Variants in CNOT6 observed in about 807,000 individuals in gnomAD.
The protein encoded by CNOT6 is CCR4-NOT transcription complex subunit 6.
A neutral mutation model predicts 61.2 loss-of-function variants in CNOT6; 12 were observed. The ratio of observed to expected loss-of-function variants is 0.20; its 90% CI spans 0.13 to 0.32. The LOEUF is 0.32. CNOT6 is among the 10% of genes least tolerant of loss of function. CNOT6 has a pLI of 1.00. For synonymous variants in CNOT6, 225 were observed against 240.6 expected (o/e 0.94, Z 0.60); for missense variants, 405 against 663.9 (o/e 0.61, Z 4.28).
intron 1 of CNOT6, among the ~76,000 whole-genome samples, chr5:180,498,604 G>C (rs1430992089): frequency 6.6e-6 from 1 of 152,154 alleles, no homozygotes; most frequent in East Asian, 1.9e-4. Flanking sequence ...AGGTGTGTCT[G>C]GTCTAGATTT....
intron 2 of CNOT6, among the ~76,000 whole-genome samples, chr5:180,536,703 T>C (rs1171021715): frequency 2.0e-5 from 3 of 152,118 alleles, no homozygotes; most frequent in Admixed American, 6.6e-5. Flanking sequence ...CTCGACCTCG[T>C]GGGTTCAAGC....
rs1760916646 is a variant in CNOT6, at chr5:180,574,332, A to G, written c.*132A>G. On this transcript the variant is annotated 3_prime_UTR_variant, in exon 12 of 12. Transcript: ENST00000261951. ...TTTGGACTTTCAATCTGATTATTTGATAAGGATATAGTATGAAAGCCAGGT... is the reference window on the plus strand; with the variant it reads ...TTTGGACTTTCAATCTGATTATTTGGTAAGGATATAGTATGAAAGCCAGGT... 5 of 753,948 alleles carry G rather than the reference A, an allele frequency of 6.6e-6. No homozygotes were observed. The highest frequency in any genetic ancestry group is 6.7e-6 in the Non-Finnish European group (3 of 448,686). The allele number at this position is 753,948 out of a possible 1,614,324, so 46.7% of individuals were successfully genotyped here. A position where few individuals can be genotyped will look rare whatever the true frequency, so the allele number is the denominator to read the frequency against.
Position 180,517,939 on chromosome 5 carries a change from C to T in CNOT6, c.-2-11336C>T, listed in dbSNP as rs111968499. Among the ~76,000 whole-genome samples, 941 of 152,304 alleles carry T rather than the reference C, an allele frequency of 6.2e-3. 10 individuals carry two copies. The highest frequency in any genetic ancestry group is 0.022 in the African/African-American group (906 of 41,556). ...AATCTTTCTTTTTAGTTACGTGTCT[C>T]CATATTGTAATAGCTGCTTCAGATA... On this transcript the variant is annotated intron_variant, in intron 1 of 11. Transcript: ENST00000261951.
chr5:180,543,895 C>T (rs1457085890), intron 2 of CNOT6, among the ~76,000 whole-genome samples: 1 of 152,048 alleles, frequency 6.6e-6, no homozygotes, highest in Admixed American at 6.6e-5. Flanking sequence ...ACTGCAAGCT[C>T]CACCTCCCAG....
chr5:180,536,144 C>T (rs866539475), intron 2 of CNOT6, among the ~76,000 whole-genome samples: 31 of 145,406 alleles, frequency 2.1e-4, no homozygotes, highest in Non-Finnish European at 2.4e-4. Flanking sequence ...TACAGGCACC[C>T]GCCACCACAC....
intron 1 of CNOT6, among the ~76,000 whole-genome samples, chr5:180,514,023 T>TA (rs1011523428): frequency 6.6e-6 from 1 of 151,918 alleles, no homozygotes; most frequent in African/African-American, 2.4e-5. Context: ...TTTGTAGAGA[T>TA]AGGGGTTTCC....
At chr5:180,527,615 A>C (rs10059433) in intron 1 of CNOT6, among the ~76,000 whole-genome samples, 5,701 of 152,236 alleles carry the variant, frequency 0.037, 231 homozygotes, top group African/African-American at 0.1. Flanking sequence ...ATTCAGGTTC[A>C]GTTTTTAACT....
intron 1 of CNOT6, among the ~76,000 whole-genome samples, chr5:180,509,243 C>T (rs552748031): frequency 2.6e-5 from 4 of 152,228 alleles, no homozygotes; most frequent in East Asian, 1.9e-4. Context: ...GCCGTCCTCC[C>T]GCCTCAGGCT....
chr5:180,550,324 A>G (rs1052143788), intron 3 of CNOT6, among the ~76,000 whole-genome samples: 2 of 151,908 alleles, frequency 1.3e-5, no homozygotes, highest in Non-Finnish European at 2.9e-5. Flanking sequence ...GGTGGCGGGC[A>G]CCTGTAGTCC....
chr5:180,541,914 G>A lies in CNOT6; in HGVS notation c.113-8017G>A, dbSNP rs143485324. On this transcript the variant is annotated intron_variant, in intron 2 of 11. Transcript: ENST00000261951. ...TACAGTGCCCCCTGGCTGTTTACAG[G>A]CACTATTGTGATACACTGCAGCCTC... Among the ~76,000 whole-genome samples the A allele has an allele frequency of 3.5e-3, 526 of 151,336 alleles. 4 individuals are homozygous for A. Among genetic ancestry groups the A allele is most frequent in the South Asian group, 0.011 (53 of 4,774 alleles).
rs35687441 is a variant in CNOT6, at chr5:180,575,892, G to GT, written c.*1704dup. On this transcript the variant is annotated 3_prime_UTR_variant, in exon 12 of 12. Coordinates refer to ENST00000261951, the MANE Select transcript of CNOT6 (RefSeq NM_001370472.1). ...GAGTCATTTTGGAAATGATTCTTAT[G>GT]TTTTTTTTTTTTCTCCTTTTAGAAA... is the stretch of plus-strand genomic sequence containing the variant. The GT allele has an allele frequency of 3.2e-3, 463 of 146,732 alleles. 1 individual carries two copies. Among genetic ancestry groups the GT allele is most frequent in the Middle Eastern group, 0.011 (3 of 282 alleles). The allele number at this position is 146,732 out of a possible 1,614,324, so 9.1% of individuals were successfully genotyped here. A position where few individuals can be genotyped will look rare whatever the true frequency, so the allele number is the denominator to read the frequency against.
chr5:180,506,013 C>T (rs1757120047), intron 1 of CNOT6, among the ~76,000 whole-genome samples: 2 of 152,222 alleles, frequency 1.3e-5, no homozygotes, highest in South Asian at 4.1e-4. Context: ...CTCATGATCC[C>T]AGCAACATAT....
intron 4 of CNOT6, 53 bp downstream of exon 4, chr5:180,553,524 T>G: frequency 7.2e-7 from 1 of 1,387,868 alleles, no homozygotes; most frequent in Non-Finnish European, 1.0e-6. Flanking sequence ...TCTTTGAATC[T>G]AAAGAAGCCA....
Position 180,529,324 on chromosome 5 carries a change from A to G in CNOT6, c.48A>G (p.Thr16=), listed in dbSNP as rs750652791. 26 of 1,613,806 alleles carry G rather than the reference A, an allele frequency of 1.6e-5. No individual in the cohort carries two copies. The South Asian group carries it at 2.6e-4, about 16-fold the overall frequency. Residue 16 remains threonine, a synonymous_variant, in exon 2 of 12, where the codon ACA becomes ACG. Coordinates refer to ENST00000261951, the MANE Select transcript of CNOT6 (RefSeq NM_001370472.1). The stretch of plus-strand genomic sequence containing the variant: ...CCCCTGACCCTCGGAGGATGTATAC[A>G]ATTATGTCTTCTGAGGAAGCAGCAA... ...YEPPDPRRMY[T]IMSSEEAANG...
intron 11 of CNOT6, 94 bp downstream of exon 11, chr5:180,571,526 C>A: frequency 1.1e-6 from 1 of 906,512 alleles, no homozygotes; most frequent in African/African-American, 1.7e-5. Context: ...GCTGTGTGTT[C>A]AGGCTGGAAT....
intron 1 of CNOT6, among the ~76,000 whole-genome samples, chr5:180,507,355 A>G (rs1448433942): frequency 6.6e-6 from 1 of 152,124 alleles, no homozygotes; most frequent in Non-Finnish European, 1.5e-5. Context: ...ATCCCAACAC[A>G]TTGGGAGGCC....
chr5:180,552,476 C>T (rs1759663002), intron 3 of CNOT6, among the ~76,000 whole-genome samples: 1 of 151,062 alleles, frequency 6.6e-6, no homozygotes, highest in Non-Finnish European at 1.5e-5. Context: ...CCCGTCTCTA[C>T]TAAAAATACA....
In CNOT6 at chr5:180,574,094, C is replaced by T. The variant is rs1291723563; in HGVS notation, c.1568C>T (p.Pro523Leu). 1.2e-6 allele frequency: 2 copies of T among 1,613,794 alleles called. No individual in the cohort carries two copies. Among genetic ancestry groups the T allele is most frequent in the African/African-American group, 2.7e-5 (2 of 74,874 alleles). ...GTTGAGAATAACATCAGTGGCTGCC[C>T]GCACCCCCTCATCCCCTCTGACCAC... ...WLVENNISGCPHPLIPSDHFS... is the reference protein window; with the variant it reads ...WLVENNISGCLHPLIPSDHFS... Residue 523 changes from proline (P) to leucine (L), a missense_variant, in exon 12 of 12, where the codon CCG becomes CTG. Physicochemically the swap from Pro to Leu is moderately conservative, Grantham distance 98. Transcript: ENST00000261951.
At chr5:180,544,223 A>T (rs1050421239) in intron 2 of CNOT6, among the ~76,000 whole-genome samples, 1 of 152,228 alleles carries the variant, frequency 6.6e-6, no homozygotes, top group East Asian at 1.9e-4. Flanking sequence ...GGGCAGGCAC[A>T]TGCTATTATT....
Sources: allele counts gnomAD v4.1 joint callset (sites outside exome capture counted in the v4.1 genomes callset), GRCh38; gene constraint gnomAD v4.1.1; transcripts MANE v1.5; gene names NCBI Gene and HGNC (gene_info 2026-07-23, HGNC 2026-07-21).